The following RGS17 variants were observed in gnomAD, a reference collection of about 807,000 sequenced individuals.
The protein encoded by RGS17 is regulator of G protein signaling 17, also known as regulator of G-protein signaling 17.
A neutral mutation model predicts 25.5 loss-of-function variants in RGS17; 12 were observed. The ratio of observed to expected loss-of-function variants is 0.47; its 90% CI spans 0.30 to 0.76. The LOEUF is 0.76. Among genes scored for constraint, RGS17 ranks in the 30% least tolerant of loss-of-function variants. The pLI is 0.07. For synonymous variants in RGS17, 71 were observed against 76.9 expected, an observed-to-expected ratio of 0.92 and a Z score of 0.40; for missense variants, 196 against 242.2, an observed-to-expected ratio of 0.81 and a Z score of 1.27.
At chr6:153,094,842 C>T (rs1562332445) in intron 1 of RGS17, among the ~76,000 whole-genome samples, 1 of 152,014 alleles carries the variant, frequency 6.6e-6, no homozygotes, top group East Asian at 1.9e-4. Context: ...CCAGTTTTAT[C>T]AATGAAAGCT....
intron 2 of RGS17, among the ~76,000 whole-genome samples, chr6:153,029,056 G>A (rs1379610813): frequency 1.3e-5 from 2 of 152,108 alleles, no homozygotes; most frequent in Admixed American, 6.6e-5. Flanking sequence ...CCATATTAGA[G>A]CGATCATTAC....
intron 2 of RGS17, among the ~76,000 whole-genome samples, chr6:153,032,507 A>G (rs1367430358): frequency 6.6e-6 from 1 of 152,088 alleles, no homozygotes; most frequent in African/African-American, 2.4e-5. Flanking sequence ...TATAAATACA[A>G]TATTTTAACC....
At chr6:153,015,713 G>A (rs925572445) in intron 4 of RGS17, among the ~76,000 whole-genome samples, 103 of 151,676 alleles carry the variant, frequency 6.8e-4, no homozygotes, top group Non-Finnish European at 1.4e-3. Context: ...GAGTGCAGTG[G>A]CGCGATCTCG....
intron 1 of RGS17, among the ~76,000 whole-genome samples, chr6:153,044,783 A>T (rs1314293228): frequency 6.6e-6 from 1 of 152,228 alleles, no homozygotes; most frequent in Non-Finnish European, 1.5e-5. Flanking sequence ...AAATATTGGG[A>T]TACAGAATGT....
chr6:153,119,106 T>G (rs767778196), intron 1 of RGS17, among the ~76,000 whole-genome samples: 2 of 152,220 alleles, frequency 1.3e-5, no homozygotes, highest in Non-Finnish European at 2.9e-5. Flanking sequence ...TAAGCTCACC[T>G]GCTCTCTGCT....
intron 1 of RGS17, among the ~76,000 whole-genome samples, chr6:153,081,895 A>G (rs964662865): frequency 4.6e-5 from 7 of 152,220 alleles, no homozygotes; most frequent in Non-Finnish European, 4.4e-5. Flanking sequence ...TTGTGGCTGA[A>G]TAACTTTAAT....
intron 1 of RGS17, among the ~76,000 whole-genome samples, chr6:153,088,412 T>G (rs946598476): frequency 6.6e-6 from 1 of 152,208 alleles, no homozygotes; most frequent in African/African-American, 2.4e-5. Flanking sequence ...TTACTCTGAT[T>G]AAAGATTTCA....
intron 1 of RGS17, among the ~76,000 whole-genome samples, chr6:153,123,927 G>A (rs939098091): frequency 6.6e-6 from 1 of 152,216 alleles, no homozygotes; most frequent in Non-Finnish European, 1.5e-5. Flanking sequence ...GGAATTGGGT[G>A]TTGAGGTCGG....
At chr6:153,083,135 TG>T (rs1344020716) in intron 1 of RGS17, among the ~76,000 whole-genome samples, 1 of 152,206 alleles carries the variant, frequency 6.6e-6, no homozygotes, top group Non-Finnish European at 1.5e-5. Context: ...GGCAGATTTC[TG>T]AAGTTCTTTA....
chr6:153,130,907 A>G lies in RGS17; in HGVS notation c.-26+217T>C, dbSNP rs542109826. On this transcript the variant is annotated intron_variant, in intron 1 of 4. Transcript: ENST00000206262. The surrounding 1 kb of genome is among the most constrained non-coding windows in gnomAD (Gnocchi z 6.4). ...AGCGACGCGGGATTCAACTTCCCGG[A>G]CCCGCGGCGCGGCCCCCGCTCCCGC... 2.6e-5 allele frequency among the ~76,000 whole-genome samples: 4 copies of G among 151,516 alleles called. No individual in the cohort carries two copies. Among genetic ancestry groups the G allele is most frequent in the Non-Finnish European group, 4.4e-5 (3 of 67,776 alleles).
At chr6:153,059,774 T>G (rs1004405622) in intron 1 of RGS17, among the ~76,000 whole-genome samples, 1 of 152,230 alleles carries the variant, frequency 6.6e-6, no homozygotes, top group Non-Finnish European at 1.5e-5. Context: ...CTGATGATAT[T>G]TCTTCAGAAT....
chr6:153,114,195 CA>C (rs1223554035), intron 1 of RGS17, among the ~76,000 whole-genome samples: 6 of 151,614 alleles, frequency 4.0e-5, no homozygotes, highest in African/African-American at 1.2e-4. Flanking sequence ...CCAGATTAAT[CA>C]AGAAGAAGAG....
At chr6:153,042,628 A>G (rs1169536489) in intron 2 of RGS17, among the ~76,000 whole-genome samples, 1 of 152,250 alleles carries the variant, frequency 6.6e-6, no homozygotes, top group Non-Finnish European at 1.5e-5. Flanking sequence ...GGACTAATAC[A>G]GTATGACTTT....
intron 1 of RGS17, among the ~76,000 whole-genome samples, chr6:153,109,929 C>T (rs1562336594): frequency 6.6e-6 from 1 of 152,172 alleles, no homozygotes; most frequent in Non-Finnish European, 1.5e-5. Context: ...AACATGAGAT[C>T]TAACCTAAAA....
chr6:153,021,938 T>C (rs1779251764), intron 4 of RGS17, among the ~76,000 whole-genome samples: 1 of 152,194 alleles, frequency 6.6e-6, no homozygotes, highest in African/African-American at 2.4e-5. Context: ...CCAGGCGCAG[T>C]GGCTCACACC....
intron 1 of RGS17, among the ~76,000 whole-genome samples, chr6:153,063,050 A>C (rs1776660762): frequency 6.6e-6 from 1 of 152,190 alleles, no homozygotes; most frequent in Non-Finnish European, 1.5e-5. Flanking sequence ...GACACAGCTA[A>C]CATCACAACA....
chr6:153,047,428 A>G (rs1776399805), intron 1 of RGS17, among the ~76,000 whole-genome samples: 1 of 152,212 alleles, frequency 6.6e-6, no homozygotes, highest in African/African-American at 2.4e-5. Flanking sequence ...CAATGTCCGC[A>G]TATTATTAAG....
At chr6:153,119,380 G>A (rs9384082) in intron 1 of RGS17, among the ~76,000 whole-genome samples, 68,919 of 151,934 alleles carry the variant, frequency 0.45, 16,228 homozygotes, top group East Asian at 0.85. Context: ...TACCTAACCA[G>A]CTGGCTATGA....
rs1779305149 is a variant in RGS17, at chr6:153,026,560, C to T, written c.120-17G>A. 3 of 1,591,136 alleles carry T rather than the reference C, an allele frequency of 1.9e-6. No homozygotes were observed. Among genetic ancestry groups the T allele is most frequent in the Middle Eastern group, 1.7e-4 (1 of 6,028 alleles). Reference sequence around the variant, plus strand: ...ACAGTGAGGCTGTAATGTAACAGAACATTTAATTTTGTCAAGGGAAATTCA... The same window carrying T: ...ACAGTGAGGCTGTAATGTAACAGAATATTTAATTTTGTCAAGGGAAATTCA... On this transcript the variant is annotated splice_polypyrimidine_tract_variant and intron_variant, in intron 2 of 4. Coordinates refer to ENST00000206262, the MANE Select transcript of RGS17 (RefSeq NM_012419.5).
Sources: gnomAD v4.1 joint callset for allele counts (sites outside exome capture counted in the v4.1 genomes callset) on GRCh38, gnomAD v4.1.1 for gene constraint, Gnocchi (gnomAD v3.1) non-coding constraint, MANE v1.5 for transcripts, NCBI Gene and HGNC (gene_info 2026-07-23, HGNC 2026-07-21) for gene names.